The following LRRTM4 variants were observed in gnomAD, a reference collection of about 807,000 sequenced individuals.
LRRTM4 encodes leucine rich repeat transmembrane neuronal 4.
Under a neutral mutation model 47.6 loss-of-function variants are expected in LRRTM4, and 25 were observed. That is an observed-to-expected ratio of 0.53 (90% CI 0.38 to 0.73). The LOEUF (loss-of-function observed/expected upper bound fraction) is 0.73. Ranked by LOEUF, LRRTM4 falls within the 30% of genes least tolerant of loss-of-function variation. The pLI, the probability that LRRTM4 is intolerant of heterozygous loss-of-function variation, is 0.00. For synonymous variants in LRRTM4, 311 were observed against 269.5 expected (o/e 1.15, Z -1.51); for missense variants, 638 against 713.4 (o/e 0.89, Z 1.20).
intron 3 of LRRTM4, among the ~76,000 whole-genome samples, chr2:77,515,139 T>C (rs148090929): frequency 0.012 from 1,850 of 151,936 alleles, 45 homozygotes; most frequent in African/African-American, 0.042. Context: ...TTAGGATGTA[T>C]GTATCCCTTA....
intron 3 of LRRTM4, among the ~76,000 whole-genome samples, chr2:76,988,034 G>A (rs1489186027): frequency 6.6e-6 from 1 of 151,798 alleles, no homozygotes; most frequent in East Asian, 1.9e-4. Context: ...AATATTTAGA[G>A]ACTACAGAGT....
chr2:76,753,280 T>C (rs890448646), intron 3 of LRRTM4, among the ~76,000 whole-genome samples: 1 of 152,154 alleles, frequency 6.6e-6, no homozygotes, highest in African/African-American at 2.4e-5. Context: ...CTGAAAGTAT[T>C]CCCTGATACT....
intron 3 of LRRTM4, among the ~76,000 whole-genome samples, chr2:77,094,143 C>T (rs570950807): frequency 1.3e-5 from 2 of 152,064 alleles, no homozygotes; most frequent in African/African-American, 4.8e-5. Context: ...ATTTTATACA[C>T]CACCAACAAA....
chr2:77,325,833 T>C (rs1324392426), intron 3 of LRRTM4, among the ~76,000 whole-genome samples: 1 of 152,190 alleles, frequency 6.6e-6, no homozygotes, highest in Non-Finnish European at 1.5e-5. Context: ...TTATGGATCA[T>C]TTTTAAACCA....
chr2:77,180,196 C>T (rs2103854672), intron 3 of LRRTM4, among the ~76,000 whole-genome samples: 1 of 152,222 alleles, frequency 6.6e-6, no homozygotes, highest in East Asian at 1.9e-4. Flanking sequence ...TTTCAAACAA[C>T]AGGAATTACA....
intron 3 of LRRTM4, among the ~76,000 whole-genome samples, chr2:76,946,682 C>A (rs1041028743): frequency 6.6e-6 from 1 of 151,740 alleles, no homozygotes; most frequent in Non-Finnish European, 1.5e-5. Flanking sequence ...TAAAGCCTAG[C>A]CAGTTTCCAC....
At chr2:77,304,635 T>C (rs1435203687) in intron 3 of LRRTM4, among the ~76,000 whole-genome samples, 1 of 152,118 alleles carries the variant, frequency 6.6e-6, no homozygotes, top group Non-Finnish European at 1.5e-5. Context: ...TGGCTATCAG[T>C]TATGTGTACT....
chr2:76,769,061 G>A (rs1673576505), intron 3 of LRRTM4, among the ~76,000 whole-genome samples: 1 of 152,072 alleles, frequency 6.6e-6, no homozygotes. Flanking sequence ...CTTTCTTTGA[G>A]GGCCTCCTCA....
At chr2:77,171,290 T>A (rs556069855) in intron 3 of LRRTM4, among the ~76,000 whole-genome samples, 27 of 152,256 alleles carry the variant, frequency 1.8e-4, no homozygotes, top group Admixed American at 1.4e-3. Flanking sequence ...GCTTGTTTGT[T>A]TTTTGAGATG....
chr2:77,340,242 G>A lies in LRRTM4; in HGVS notation c.1551+178076C>T, dbSNP rs202221956. ...CTGGAGGTGGCAACATAGAGTGGTG[G>A]TTGAGAACCTGGCTTAAGAGTCAGA... On this transcript the variant is annotated intron_variant, in intron 3 of 3. Transcript: ENST00000409884. Among the ~76,000 whole-genome samples the A allele has an allele frequency of 1.3e-4, 20 of 151,880 alleles. No homozygotes were observed. The East Asian group carries it at 3.7e-3, about 28-fold the overall frequency.
chr2:76,925,508 A>G (rs771106752), intron 3 of LRRTM4, among the ~76,000 whole-genome samples: 10 of 152,286 alleles, frequency 6.6e-5, no homozygotes, highest in East Asian at 3.9e-4. Context: ...GATGTAGCCC[A>G]TTAAGCTTAT....
intron 3 of LRRTM4, among the ~76,000 whole-genome samples, chr2:76,957,168 C>CA (rs1012400707): frequency 4.0e-5 from 6 of 151,612 alleles, no homozygotes; most frequent in Admixed American, 6.6e-5. Context: ...GATAGAAGGA[C>CA]AAAAAATGCA....
chr2:76,923,449 CA>C (rs202057340), intron 3 of LRRTM4, among the ~76,000 whole-genome samples: 2 of 151,298 alleles, frequency 1.3e-5, no homozygotes, highest in South Asian at 4.2e-4. Flanking sequence ...CAAAACTGAG[CA>C]AAAAAAAGAC....
At chr2:77,177,228 G>A (rs1490093110) in intron 3 of LRRTM4, among the ~76,000 whole-genome samples, 3 of 152,086 alleles carry the variant, frequency 2.0e-5, no homozygotes, top group South Asian at 2.1e-4. Context: ...CTTCCTATGC[G>A]AAGCCAAGAA....
chr2:77,313,914 G>GT (rs1349862498), intron 3 of LRRTM4, among the ~76,000 whole-genome samples: 1 of 152,062 alleles, frequency 6.6e-6, no homozygotes, highest in Non-Finnish European at 1.5e-5. Context: ...ACAAAAATCT[G>GT]TTTTTTAAAT....
At chr2:77,068,521 C>T (rs1680036933) in intron 3 of LRRTM4, among the ~76,000 whole-genome samples, 1 of 152,194 alleles carries the variant, frequency 6.6e-6, no homozygotes, top group Non-Finnish European at 1.5e-5. Flanking sequence ...CTAGATTTGC[C>T]TATCCTGAAC....
chr2:77,345,316 C>A (rs1671523059), intron 3 of LRRTM4, among the ~76,000 whole-genome samples: 1 of 151,534 alleles, frequency 6.6e-6, no homozygotes, highest in South Asian at 2.1e-4. Context: ...TATCAAAGCT[C>A]AAAATTTATG....
At chr2:77,224,994 G>A (rs1266658581) in intron 3 of LRRTM4, among the ~76,000 whole-genome samples, 3 of 151,934 alleles carry the variant, frequency 2.0e-5, no homozygotes, top group African/African-American at 4.8e-5. Context: ...ACTGGATTAA[G>A]AAAATGTGGC....
chr2:76,933,771 T>C (rs1239055143), intron 3 of LRRTM4, among the ~76,000 whole-genome samples: 1 of 152,088 alleles, frequency 6.6e-6, no homozygotes, highest in East Asian at 1.9e-4. Flanking sequence ...GAGCACAGAA[T>C]TAGTATCAGA....
Sources: gnomAD v4.1 joint callset for allele counts (sites outside exome capture counted in the v4.1 genomes callset) on GRCh38, gnomAD v4.1.1 for gene constraint, MANE v1.5 for transcripts, NCBI Gene and HGNC (gene_info 2026-07-23, HGNC 2026-07-21) for gene names.